ABCA13: variants seen among roughly 807,000 people sequenced by gnomAD.
ABCA13 encodes the protein ATP-binding cassette sub-family A member 13.
In ABCA13, 476 loss-of-function variants were observed where a neutral mutation model predicts 478.7. The observed-to-expected ratio is 0.99, with a 90% CI of 0.92 to 1.07. The LOEUF is 1.07. Ranked by LOEUF, ABCA13 falls within the 50% of genes least tolerant of loss-of-function variation. ABCA13 has a pLI of 0.00. For missense variants in ABCA13, 6,060 were observed against 5,910.6 expected (o/e 1.03, Z -0.83); for synonymous variants, 2,252 against 2,158.9 (o/e 1.04, Z -1.20).
rs1315033314 is a variant in ABCA13 at position 48,330,057 on chromosome 7, CCATCCATCCATCCATCCATT to C, written c.10000-5352_10000-5333del. 2.0e-5 allele frequency among the ~76,000 whole-genome samples: 3 copies of C among 150,960 alleles called. No individual in the cohort carries two copies. In the East Asian group the frequency reaches 5.9e-4, roughly 30 times the overall value. ...TCCATCCATCCATCCATCCATCCAT[CCATCCATCCATCCATCCATT>C]CATCCATCCATCTATCCATCCATTC... On this transcript the variant is annotated intron_variant, in intron 27 of 61. Transcript: ENST00000435803.
chr7:48,554,785 T>G (rs1785627191), intron 55 of ABCA13, among the ~76,000 whole-genome samples: 1 of 150,550 alleles, frequency 6.6e-6, no homozygotes, highest in African/African-American at 2.4e-5. Flanking sequence ...TAATTTGAGT[T>G]CTTCCTTTCT....
At chr7:48,517,018 A>G (rs1389961238) in intron 52 of ABCA13, 137 bp downstream of exon 52, 3 of 995,188 alleles carry the variant, frequency 3.0e-6, no homozygotes, top group African/African-American at 1.6e-5. Context: ...TAAACTCCAG[A>G]GAGATAAATG....
chr7:48,606,850 A>T (rs531409347), intron 58 of ABCA13, among the ~76,000 whole-genome samples: 1 of 152,066 alleles, frequency 6.6e-6, no homozygotes, highest in African/African-American at 2.4e-5. Context: ...TCTCAGGGAG[A>T]TGGGGGTTTT....
Position 48,422,257 on chromosome 7 carries a change from T to C in ABCA13, c.12460-5509T>C, listed in dbSNP as rs567260185. Among the ~76,000 whole-genome samples the C allele has an allele frequency of 3.2e-4, 48 of 152,052 alleles. 1 individual carries two copies. In the South Asian group the frequency reaches 8.7e-3, roughly 28 times the overall value. ...ATTCAGTATTTTGAGGATTCTTCATTTGGGGGCTAAGGTCTTCTTAACTTA... is the reference window on the plus strand; with the variant it reads ...ATTCAGTATTTTGAGGATTCTTCATCTGGGGGCTAAGGTCTTCTTAACTTA... On this transcript the variant is annotated intron_variant, in intron 41 of 61. Coordinates refer to ENST00000435803, the MANE Select transcript of ABCA13 (RefSeq NM_152701.5).
chr7:48,290,911 GAGA>G (rs1340545596), intron 20 of ABCA13, among the ~76,000 whole-genome samples: 1 of 123,692 alleles, frequency 8.1e-6, no homozygotes, highest in Non-Finnish European at 1.6e-5. Context: ...GAGAGAATTG[GAGA>G]AGGTTTAGAG....
intron 42 of ABCA13, among the ~76,000 whole-genome samples, chr7:48,449,679 T>G (rs189092965): frequency 6.6e-6 from 1 of 152,256 alleles, no homozygotes; most frequent in East Asian, 1.9e-4. Flanking sequence ...AAGGTTTCCA[T>G]GCAGCTCACC....
At chr7:48,216,832 T>C (rs1343028226) in intron 3 of ABCA13, among the ~76,000 whole-genome samples, 13 of 152,226 alleles carry the variant, frequency 8.5e-5, no homozygotes, top group Non-Finnish European at 4.4e-5. Flanking sequence ...GGTTACCTTC[T>C]ATCTATAGAT....
At position 48,403,866 on chromosome 7, in the gene ABCA13, C is replaced by G; in HGVS notation, c.12057C>G (p.Leu4019=). Residue 4019 remains leucine (L), a synonymous_variant, in exon 39 of 62, where the codon CTC becomes CTG. Transcript: ENST00000435803. The part of the protein sequence containing the change: ...CSRHSLWDIL[L]KYREGRTIIF... ...GGCATAGCCTGTGGGACATTCTGCTCAAGTACCGAGAAGGTAGGCACTGGG... is the reference window on the plus strand; with the variant it reads ...GGCATAGCCTGTGGGACATTCTGCTGAAGTACCGAGAAGGTAGGCACTGGG... 1 of 1,613,086 alleles carries G rather than the reference C, an allele frequency of 6.2e-7. No homozygotes were observed.
chr7:48,317,561 T>G (rs1335401236), intron 27 of ABCA13, among the ~76,000 whole-genome samples: 1 of 152,184 alleles, frequency 6.6e-6, no homozygotes, highest in African/African-American at 2.4e-5. Flanking sequence ...AACTCTAATA[T>G]GAAAAGTCAA....
At chr7:48,590,811 T>C (rs1789653983) in intron 57 of ABCA13, among the ~76,000 whole-genome samples, 1 of 152,164 alleles carries the variant, frequency 6.6e-6, no homozygotes, top group East Asian at 1.9e-4. Context: ...TTCAAGTTTT[T>C]TGTCTATTTT....
At chr7:48,429,666 A>C (rs148243219) in intron 42 of ABCA13, among the ~76,000 whole-genome samples, 1 of 152,316 alleles carries the variant, frequency 6.6e-6, no homozygotes, top group African/African-American at 2.4e-5. Context: ...TAATTATGGA[A>C]TTGTGTGAGT....
intron 58 of ABCA13, among the ~76,000 whole-genome samples, chr7:48,600,800 A>G (rs1790810584): frequency 6.6e-6 from 1 of 152,188 alleles, no homozygotes; most frequent in Non-Finnish European, 1.5e-5. Flanking sequence ...AAAATATATC[A>G]AAAAGACATA....
Position 48,198,378 on chromosome 7 carries a change from A to G in ABCA13, c.287+18A>G. On this transcript the variant is annotated intron_variant, in intron 3 of 61. Coordinates refer to ENST00000435803, the MANE Select transcript of ABCA13 (RefSeq NM_152701.5). ...CATTTTCGGTAAGAGAAACACAAAG[A>G]TCTTTTTCAGAAATCTCAGAAAGCT... 1.2e-6 allele frequency: 2 copies of G among 1,612,396 alleles called. No homozygotes were observed. The highest frequency in any genetic ancestry group is 1.3e-5 in the African/African-American group (1 of 75,006).
chr7:48,219,675 G>A (rs1005747705), intron 4 of ABCA13, among the ~76,000 whole-genome samples, 170 bp downstream of exon 4: 1 of 152,106 alleles, frequency 6.6e-6, no homozygotes, highest in Non-Finnish European at 1.5e-5. Context: ...TGTGGAGGGT[G>A]GAGCTGGATT....
At chr7:48,491,970 A>G (rs532063062) in intron 48 of ABCA13, among the ~76,000 whole-genome samples, 1 of 152,316 alleles carries the variant, frequency 6.6e-6, no homozygotes, top group South Asian at 2.1e-4. Flanking sequence ...TAACAAGTGA[A>G]TGAACGGATC....
chr7:48,247,395 T>G (rs1340752333), intron 13 of ABCA13, among the ~76,000 whole-genome samples: 8 of 152,180 alleles, frequency 5.3e-5, no homozygotes, highest in African/African-American at 1.9e-4. Context: ...AAAGTCTAAC[T>G]TGTAGTCTCA....
At position 48,273,559 on chromosome 7, in the gene ABCA13, T is replaced by C. The variant is rs374591681; in HGVS notation, c.3893T>C (p.Ile1298Thr). 22 of 1,582,164 alleles carry C rather than the reference T, an allele frequency of 1.4e-5. No individual in the cohort carries two copies. Among genetic ancestry groups the C allele is most frequent in the Non-Finnish European group, 1.5e-5 (17 of 1,162,152 alleles). The stretch of plus-strand genomic sequence containing the variant: ...GAGTTTAGCAGTACCTCAGAATATA[T>C]AGTCAGAAATCTAGATTCAATAAAT... ...FIEFSSTSEY[I>T]VRNLDSINDF... The change falls in exon 17 of 62, where the codon ATA (isoleucine) becomes ACA (threonine). Residue 1298 changes from isoleucine to threonine, a missense_variant. Physicochemically the swap from Ile to Thr is moderately conservative, Grantham distance 89. Coordinates refer to ENST00000435803, the MANE Select transcript of ABCA13 (RefSeq NM_152701.5).
intron 1 of ABCA13, among the ~76,000 whole-genome samples, chr7:48,191,799 A>C (rs956321916): frequency 2.0e-5 from 3 of 152,200 alleles, no homozygotes; most frequent in Non-Finnish European, 4.4e-5. Flanking sequence ...TAGGCCACTC[A>C]TCTGGTCACA....
chr7:48,288,093 A>G lies in ABCA13; in HGVS notation c.8955+15A>G. On this transcript the variant is annotated intron_variant, in intron 20 of 61. Coordinates refer to ENST00000435803, the MANE Select transcript of ABCA13 (RefSeq NM_152701.5). ...ACCACTTCCAGGTTTGTCGTCTTTA[A>G]TATTTCAGAGAATTTCATGTTCATG... is the stretch of plus-strand genomic sequence containing the variant. The G allele has an allele frequency of 1.9e-6, 3 of 1,605,256 alleles. No homozygotes were observed. Among genetic ancestry groups the G allele is most frequent in the African/African-American group, 1.3e-5 (1 of 74,858 alleles).
Sources: allele counts gnomAD v4.1 joint callset (sites outside exome capture counted in the v4.1 genomes callset), GRCh38; gene constraint gnomAD v4.1.1; transcripts MANE v1.5; gene names NCBI Gene and HGNC (gene_info 2026-07-23, HGNC 2026-07-21).